ACSS1: variants seen among roughly 807,000 people sequenced by gnomAD.
The protein encoded by ACSS1 is acetyl-coenzyme A synthetase 2-like, mitochondrial.
ACSS1 carries 42 observed loss-of-function variants against 75.3 expected under a neutral mutation model. That is an observed-to-expected ratio of 0.56 (90% CI 0.44 to 0.72). The LOEUF is 0.72. ACSS1 is among the 30% of genes least tolerant of loss of function. The probability of loss-of-function intolerance (pLI) is 0.00; values close to 1 mark genes in which losing one functional copy is unlikely to be tolerated. For missense variants in ACSS1, 782 were observed against 935.7 expected (o/e 0.84, Z 2.14); for synonymous variants, 380 against 376.8 (o/e 1.01, Z -0.10).
intron 3 of ACSS1, among the ~76,000 whole-genome samples, chr20:25,025,874 G>A (rs1003330131): frequency 1.3e-5 from 2 of 152,136 alleles, no homozygotes; most frequent in African/African-American, 2.4e-5. Context: ...CATTAAGGAT[G>A]TGGGATTAGA....
intron 3 of ACSS1, among the ~76,000 whole-genome samples, chr20:25,025,846 G>A (rs1391404953): frequency 6.6e-6 from 1 of 152,086 alleles, no homozygotes; most frequent in Non-Finnish European, 1.5e-5. Context: ...TCTGCCTCTA[G>A]TTGGAGCAAG....
In ACSS1 at chr20:25,013,973, G is replaced by A. The variant is rs759311286; in HGVS notation, c.1440C>T (p.Leu480=). The part of the protein sequence containing the change: ...MRPFFGIVPV[L]MDEKGSVVEG... ...GGCCCATACACACCTTCTCATCCAT[G>A]AGGACGGGGACGATGCCAAAGAAGG... is the stretch of plus-strand genomic sequence containing the variant. Residue 480 remains leucine (L), a synonymous_variant, in exon 9 of 14, where the codon CTC becomes CTT. Coordinates refer to ENST00000323482, the MANE Select transcript of ACSS1 (RefSeq NM_032501.4). 1.2e-6 allele frequency: 2 copies of A among 1,613,580 alleles called. No individual in the cohort carries two copies. Among genetic ancestry groups the A allele is most frequent in the African/African-American group, 1.3e-5 (1 of 74,928 alleles).
chr20:25,049,797 T>G (rs73348717), intron 1 of ACSS1, among the ~76,000 whole-genome samples: 4,963 of 151,822 alleles, frequency 0.033, 261 homozygotes, highest in African/African-American at 0.11. Context: ...CAGAGCTGGA[T>G]TCAACGCAGG....
rs111280323 is a variant in ACSS1, at chr20:25,020,553, G to A, written c.1109-406C>T. Among the ~76,000 whole-genome samples, 36 of 152,362 alleles carry A rather than the reference G, an allele frequency of 2.4e-4. 1 individual carries two copies. The highest frequency in any genetic ancestry group is 8.7e-4 in the African/African-American group (36 of 41,590). ...TGACAGTACAGCTGCCACTGCGTGT[G>A]TCCCAGGGAGCAGGGCCATGTGCCC... On this transcript the variant is annotated intron_variant, in intron 6 of 13. Coordinates refer to ENST00000323482, the MANE Select transcript of ACSS1 (RefSeq NM_032501.4).
intron 6 of ACSS1, among the ~76,000 whole-genome samples, chr20:25,020,806 TG>T (rs1358570401): frequency 1.3e-5 from 2 of 152,258 alleles, no homozygotes; most frequent in Admixed American, 6.5e-5. Flanking sequence ...GTCAGTGCCA[TG>T]GAACACTGGA....
At chr20:25,012,764 G>A in intron 11 of ACSS1, 48 bp downstream of exon 11, 1 of 1,613,196 alleles carries the variant, frequency 6.2e-7, no homozygotes, top group South Asian at 1.1e-5. Flanking sequence ...GTCCACAGGG[G>A]CATCATGGAG....
At position 25,021,238 on chromosome 20, in the gene ACSS1, C is replaced by T. The variant is rs960096958; in HGVS notation, c.1108+151G>A. ...CTTTCTGAAGACCTGGGGCCTGGCC[C>T]CACCGGGCATTTCGACAGCAGGACC... On this transcript the variant is annotated intron_variant, in intron 6 of 13. Coordinates refer to ENST00000323482, the MANE Select transcript of ACSS1 (RefSeq NM_032501.4). The T allele has an allele frequency of 8.6e-6, 9 of 1,050,716 alleles. No homozygotes were observed. In the African/African-American group the frequency reaches 1.1e-4, roughly 13 times the overall value. 65.1% of individuals were successfully genotyped at this position (1,050,716 alleles called of 1,614,324 possible).
chr20:25,053,478 C>T (rs1600354190), intron 1 of ACSS1, among the ~76,000 whole-genome samples: 2 of 152,146 alleles, frequency 1.3e-5, no homozygotes, highest in South Asian at 4.1e-4. Context: ...TAAAGTAAGT[C>T]GTGCCCCTGA....
In ACSS1 at chr20:25,030,761, T is replaced by C. The variant is rs758738475; in HGVS notation, c.629A>G (p.Asp210Gly). 3 of 1,613,886 alleles carry C rather than the reference T, an allele frequency of 1.9e-6. No homozygotes were observed. Among genetic ancestry groups the C allele is most frequent in the Non-Finnish European group, 2.5e-6 (3 of 1,179,952 alleles). The part of the protein sequence containing the change: ...SAESLAGRIN[D>G]AKCKVVITFN... ...CCTCCCCATGCCCACCTCCTCACCATCATTGATCCTCCCAGCCAAGGACTC... is the reference window on the plus strand; with the variant it reads ...CCTCCCCATGCCCACCTCCTCACCACCATTGATCCTCCCAGCCAAGGACTC... The change falls in exon 3 of 14, where the codon GAT becomes GGT. Residue 210 changes from aspartate (D) to glycine (G), a missense_variant and splice_region_variant. Around this residue, in one of 2 missense-constraint regions of ACSS1, gnomAD observed 377 missense variants for 383.1 expected, o/e 0.98. Transcript: ENST00000323482.
chr20:25,015,750 A>G (rs2088505744), intron 7 of ACSS1, among the ~76,000 whole-genome samples: 1 of 152,252 alleles, frequency 6.6e-6, no homozygotes, highest in African/African-American at 2.4e-5. Flanking sequence ...GATGATGGAT[A>G]TCAAAAAGCC....
At chr20:25,029,063 A>G (rs192574446) in intron 3 of ACSS1, among the ~76,000 whole-genome samples, 1 of 152,234 alleles carries the variant, frequency 6.6e-6, no homozygotes, top group African/African-American at 2.4e-5. Flanking sequence ...ACTTTTATAC[A>G]CCAAAGTTTA....
At chr20:25,021,715 C>T (rs977007057) in intron 5 of ACSS1, among the ~76,000 whole-genome samples, 179 bp from the exon 6 acceptor site, 2 of 152,206 alleles carry the variant, frequency 1.3e-5, no homozygotes, top group East Asian at 1.9e-4. Context: ...TCTAGTTGTA[C>T]GTTTAACACA....
chr20:25,035,697 C>A (rs551317282), intron 2 of ACSS1, among the ~76,000 whole-genome samples: 2 of 152,252 alleles, frequency 1.3e-5, no homozygotes, highest in African/African-American at 4.8e-5. Context: ...AACCACCACA[C>A]CCAGCCAATT....
Position 25,015,167 on chromosome 20 carries a change from C to T in ACSS1, c.1310G>A (p.Cys437Tyr). The T allele has an allele frequency of 6.2e-7, 1 of 1,613,308 alleles. No individual in the cohort carries two copies. The highest frequency in any genetic ancestry group is 8.5e-7 in the Non-Finnish European group (1 of 1,179,346). ...WLHRVVGDSR[C>Y]TLVDTWWQTE... ...CTGCCACCAGGTGTCCACCAGCGTG[C>T]ACCTGCTGTCCCCCACCACCCTGTG... Residue 437 changes from cysteine (C) to tyrosine (Y), a missense_variant, in exon 8 of 14, where the codon TGC becomes TAC. Physicochemically the swap from Cys to Tyr is radical, Grantham distance 194. Coordinates refer to ENST00000323482, the MANE Select transcript of ACSS1 (RefSeq NM_032501.4).
intron 3 of ACSS1, 91 bp downstream of exon 3, chr20:25,030,668 A>C: frequency 2.1e-6 from 3 of 1,397,824 alleles, no homozygotes; most frequent in East Asian, 2.3e-5. Flanking sequence ...TAATGTCTGC[A>C]CTCTGATGGT....
rs1217608839 is a variant in ACSS1 at position 25,007,435 on chromosome 20, T to A, written c.*327A>T. On this transcript the variant is annotated 3_prime_UTR_variant, in exon 14 of 14. Transcript: ENST00000323482. ...CTCTGTGTTATCTGAGCAGGCGCGCTATCCCAGGGCCTCACCTTCCTGTGC... is the reference window on the plus strand; with the variant it reads ...CTCTGTGTTATCTGAGCAGGCGCGCAATCCCAGGGCCTCACCTTCCTGTGC... 4 of 1,176,552 alleles carry A rather than the reference T, an allele frequency of 3.4e-6. No homozygotes were observed. The highest frequency in any genetic ancestry group is 4.2e-6 in the Non-Finnish European group (4 of 948,236). The allele number at this position is 1,176,552 out of a possible 1,614,324, so 72.9% of individuals were successfully genotyped here.
intron 2 of ACSS1, among the ~76,000 whole-genome samples, chr20:25,045,556 T>C (rs1420253949): frequency 6.6e-6 from 1 of 152,062 alleles, no homozygotes; most frequent in Admixed American, 6.5e-5. Flanking sequence ...CCCCACGGGG[T>C]TTCTTTAAAG....
Position 25,058,076 on chromosome 20 carries a change from G to T in ACSS1, c.27C>A (p.Gly9=). 1.6e-6 allele frequency: 2 copies of T among 1,265,096 alleles called. No homozygotes were observed. Among genetic ancestry groups the T allele is most frequent in the Non-Finnish European group, 9.9e-7 (1 of 1,009,144 alleles). The allele number at this position is 1,265,096 out of a possible 1,614,324, so 78.4% of individuals were successfully genotyped here. A position where few individuals can be genotyped will look rare whatever the true frequency, so the allele number is the denominator to read the frequency against. ...GCAGGCTGCCCAGCAGCCTCCCGAC[G>T]CCGCGGCCCAGGGTGCGCGCCGCCA... is the stretch of plus-strand genomic sequence containing the variant. MAARTLGR[G]VGRLLGSLRG... The change falls in exon 1 of 14, where the codon GGC becomes GGA. Residue 9 remains glycine, a synonymous_variant. Coordinates refer to ENST00000323482, the MANE Select transcript of ACSS1 (RefSeq NM_032501.4).
At chr20:25,011,905 GC>G (rs1455653030) in intron 12 of ACSS1, 1 of 152,774 alleles carries the variant, frequency 6.5e-6, no homozygotes, top group African/African-American at 2.4e-5. Flanking sequence ...GCCCAGCAGT[GC>G]CCTGGCATGG....
Sources: gnomAD v4.1 joint callset for allele counts (sites outside exome capture counted in the v4.1 genomes callset) on GRCh38, gnomAD v4.1.1 for gene constraint, gnomAD v4.1.1 regional missense constraint, MANE v1.5 for transcripts, NCBI Gene and HGNC (gene_info 2026-07-23, HGNC 2026-07-21) for gene names.